SNX7: variants seen among roughly 807,000 people sequenced by gnomAD.
SNX7 encodes the protein sorting nexin-7.
A neutral mutation model predicts 48.4 loss-of-function variants in SNX7; 35 were observed. The ratio of observed to expected loss-of-function variants is 0.72; its 90% CI spans 0.55 to 0.96. The LOEUF is 0.96. Among genes scored for constraint, SNX7 ranks in the 40% least tolerant of loss-of-function variants. SNX7 has a pLI of 0.00. For missense variants in SNX7, 553 were observed against 548.9 expected (o/e 1.01, Z -0.07); for synonymous variants, 190 against 190.2 (o/e 1.00, Z 0.01).
chr1:98,697,143 A>G (rs1651500507), intron 5 of SNX7, among the ~76,000 whole-genome samples: 1 of 152,072 alleles, frequency 6.6e-6, no homozygotes, highest in African/African-American at 2.4e-5. Context: ...GAGAAAAGAA[A>G]GTGGAAAATT....
chr1:98,735,339 A>G (rs1397059109), intron 7 of SNX7, among the ~76,000 whole-genome samples: 1 of 152,172 alleles, frequency 6.6e-6, no homozygotes. Context: ...TTATGGAAAG[A>G]TGATTCACTG....
chr1:98,714,429 C>G (rs1487784852), intron 7 of SNX7, among the ~76,000 whole-genome samples: 1 of 111,242 alleles, frequency 9.0e-6, no homozygotes, highest in Non-Finnish European at 2.1e-5. Flanking sequence ...AAGCCCGTCT[C>G]CCTAGGAGCT....
chr1:98,728,385 A>G, intron 7 of SNX7, among the ~76,000 whole-genome samples: 1 of 151,956 alleles, frequency 6.6e-6, no homozygotes, highest in East Asian at 1.9e-4. Flanking sequence ...TACTGAAGGA[A>G]GCACTAAAGT....
chr1:98,752,263 AC>A (rs1338783837), intron 8 of SNX7, among the ~76,000 whole-genome samples: 7 of 152,000 alleles, frequency 4.6e-5, no homozygotes, highest in Non-Finnish European at 8.8e-5. Flanking sequence ...TAGGTTTCGT[AC>A]TCAAGAGCAA....
Position 98,760,064 on chromosome 1 carries a change from C to G in SNX7, c.1289C>G (p.Thr430Arg). 6.3e-7 allele frequency: 1 copy of G among 1,599,586 alleles called. No homozygotes were observed. Residue 430 changes from threonine to arginine, a missense_variant, in exon 9 of 9, where the codon ACG (threonine) becomes AGG (arginine). By Grantham distance (71) the Thr-to-Arg change is moderately conservative. Coordinates refer to ENST00000306121, the MANE Select transcript of SNX7 (RefSeq NM_015976.5). ...GTTTCCATTATTCAGTGCCTTGCTACGTGGGAGTCATTCCTTACATCACAG... is the reference window on the plus strand; with the variant it reads ...GTTTCCATTATTCAGTGCCTTGCTAGGTGGGAGTCATTCCTTACATCACAG... Reference protein sequence around the residue: ...NIHYYEQCLATWESFLTSQTN... With the variant: ...NIHYYEQCLARWESFLTSQTN...
intron 1 of SNX7, among the ~76,000 whole-genome samples, chr1:98,675,183 A>C (rs1200845478): frequency 6.6e-6 from 1 of 152,138 alleles, no homozygotes. Flanking sequence ...GGTTAAATGG[A>C]GTTCTTTTTG....
At chr1:98,742,451 A>T (rs919808200) in intron 8 of SNX7, among the ~76,000 whole-genome samples, 3 of 152,046 alleles carry the variant, frequency 2.0e-5, no homozygotes, top group African/African-American at 7.2e-5. Context: ...CCAAGTTTCT[A>T]CTAATGTTAA....
chr1:98,661,802 G>C lies in SNX7; in HGVS notation c.71G>C (p.Ser24Thr). 1.6e-6 allele frequency: 2 copies of C among 1,244,954 alleles called. No individual in the cohort carries two copies. The highest frequency in any genetic ancestry group is 2.0e-6 in the Non-Finnish European group (2 of 987,106). The allele number at this position is 1,244,954 out of a possible 1,614,324, so 77.1% of individuals were successfully genotyped here. A position where few individuals can be genotyped will look rare whatever the true frequency, so the allele number is the denominator to read the frequency against. ...GLPAGGANGESPGGGAPFPGS... is the reference protein window; with the variant it reads ...GLPAGGANGETPGGGAPFPGS... ...CCGGCCGGGGGCGCCAACGGGGAGA[G>C]CCCGGGGGGCGGCGCCCCCTTTCCG... The change falls in exon 1 of 9, where the codon AGC becomes ACC. Residue 24 changes from serine to threonine, a missense_variant. Transcript: ENST00000306121.
intron 8 of SNX7, among the ~76,000 whole-genome samples, chr1:98,752,455 G>A (rs765235005): frequency 1.5e-4 from 23 of 152,092 alleles, no homozygotes; most frequent in South Asian, 2.1e-4. Context: ...ATCTGGTAGC[G>A]TCAGGAGCTG....
chr1:98,738,542 T>C (rs1266470094), intron 8 of SNX7, among the ~76,000 whole-genome samples, 153 bp downstream of exon 8: 1 of 152,242 alleles, frequency 6.6e-6, no homozygotes, highest in East Asian at 1.9e-4. Flanking sequence ...AGTTACCATT[T>C]GGTTTTGTTT....
At position 98,708,236 on chromosome 1, in the gene SNX7, A is replaced by G. The variant is rs921028917; in HGVS notation, c.1125+6333A>G. ...TACATATCCATCCACACATGTATAC[A>G]TATACACACACACACAGCAGTAAAG... is the stretch of plus-strand genomic sequence containing the variant. On this transcript the variant is annotated intron_variant, in intron 7 of 8. Transcript: ENST00000306121. Among the ~76,000 whole-genome samples, 4 of 152,186 alleles carry G rather than the reference A, an allele frequency of 2.6e-5. No homozygotes were observed. In the East Asian group the frequency reaches 7.7e-4, roughly 29 times the overall value.
rs140995021 is a variant in SNX7 at position 98,738,128 on chromosome 1, A to G, written c.1126-109A>G. ...TAAATACTGGTGATTAAAAACAAAA[A>G]AGAGTTATATTTAGGCTGTTTTGGT... On this transcript the variant is annotated intron_variant, in intron 7 of 8. Coordinates refer to ENST00000306121, the MANE Select transcript of SNX7 (RefSeq NM_015976.5). The G allele has an allele frequency of 8.0e-4, 918 of 1,145,102 alleles. 5 individuals are homozygous for G. In the African/African-American group the frequency reaches 0.012, roughly 16 times the overall value. The allele number at this position is 1,145,102 out of a possible 1,614,324, so 70.9% of individuals were successfully genotyped here.
chr1:98,698,703 T>C lies in SNX7; in HGVS notation c.839-3T>C. On this transcript the variant is annotated splice_polypyrimidine_tract_variant and splice_region_variant and intron_variant, in intron 5 of 8. Transcript: ENST00000306121. Reference sequence around the variant, plus strand: ...AGCTTATTAAGTCTTTTTTTTTTTTTAGAATATTTTGATGAAATGAAAGAA... The same window carrying C: ...AGCTTATTAAGTCTTTTTTTTTTTTCAGAATATTTTGATGAAATGAAAGAA... 6.3e-7 allele frequency: 1 copy of C among 1,597,264 alleles called. No individual in the cohort carries two copies.
At chr1:98,695,464 G>T in intron 4 of SNX7, 54 bp from the exon 5 acceptor site, 1 of 1,527,944 alleles carries the variant, frequency 6.5e-7, no homozygotes, top group Non-Finnish European at 9.0e-7. Context: ...TTTGTATTGA[G>T]TCTCGGAATA....
intron 8 of SNX7, among the ~76,000 whole-genome samples, chr1:98,742,279 G>A (rs1431061274): frequency 6.6e-6 from 1 of 152,044 alleles, no homozygotes; most frequent in African/African-American, 2.4e-5. Flanking sequence ...ATGTTCAAAG[G>A]TGTCTATGGC....
chr1:98,699,316 T>G (rs1651633887), intron 6 of SNX7, among the ~76,000 whole-genome samples: 1 of 152,216 alleles, frequency 6.6e-6, no homozygotes, highest in Non-Finnish European at 1.5e-5. Flanking sequence ...TAGAAAGTAC[T>G]TGAGTTGGAT....
chr1:98,694,238 T>C (rs11166069), intron 4 of SNX7, among the ~76,000 whole-genome samples: 134,784 of 150,734 alleles, frequency 0.89, 61,042 homozygotes, highest in Non-Finnish European at 0.96. Flanking sequence ...GGCGCGGTGG[T>C]GGGCACCTGT....
chr1:98,679,212 G>A (rs548810292), intron 1 of SNX7, among the ~76,000 whole-genome samples: 2 of 152,182 alleles, frequency 1.3e-5, no homozygotes, highest in Non-Finnish European at 2.9e-5. Context: ...AAAAGAGCTT[G>A]TGCAGGGAAA....
intron 7 of SNX7, among the ~76,000 whole-genome samples, chr1:98,715,247 C>G (rs4314898): frequency 6.6e-6 from 1 of 152,090 alleles, no homozygotes; most frequent in Non-Finnish European, 1.5e-5. Context: ...TATTTTGTAG[C>G]ATGCCTCCTA....
Sources: allele counts gnomAD v4.1 joint callset (sites outside exome capture counted in the v4.1 genomes callset), GRCh38; gene constraint gnomAD v4.1.1; transcripts MANE v1.5; gene names NCBI Gene and HGNC (gene_info 2026-07-23, HGNC 2026-07-21).